TIAM2: variants seen among roughly 807,000 people sequenced by gnomAD.
TIAM2 encodes the protein TIAM Rac1 associated GEF 2.
TIAM2 carries 80 observed loss-of-function variants against 152.9 expected under a neutral mutation model. The observed-to-expected ratio is 0.52, with a 90% CI of 0.44 to 0.63. TIAM2 has a LOEUF of 0.63. Ranked by LOEUF, TIAM2 falls within the 30% of genes least tolerant of loss-of-function variation. The pLI is 0.00. For synonymous variants in TIAM2, 804 were observed against 838.0 expected (o/e 0.96, Z 0.70); for missense variants, 1,965 against 2,120.1 (o/e 0.93, Z 1.44).
chr6:155,183,579 C>G, intron 14 of TIAM2, 79 bp downstream of exon 14: 1 of 1,490,130 alleles, frequency 6.7e-7, no homozygotes, highest in South Asian at 1.4e-5. Context: ...TGCTTGCAAA[C>G]TCAGATTATT....
chr6:155,240,597 C>G lies in TIAM2; in HGVS notation c.3236C>G (p.Pro1079Arg), dbSNP rs570548899. 6.2e-7 allele frequency: 1 copy of G among 1,614,128 alleles called. No homozygotes were observed. Among genetic ancestry groups the G allele is most frequent in the South Asian group, 1.1e-5 (1 of 91,092 alleles). The change falls in exon 16 of 27, where the codon CCG becomes CGG. Residue 1079 changes from proline to arginine, a missense_variant. Physicochemically the swap from Pro to Arg is moderately radical, Grantham distance 103. This residue lies in a region of TIAM2 where 935 missense variants were observed against 980.0 expected (regional missense o/e 0.95). Transcript: ENST00000682666. ...NDSQANGMEG[P>R]RENQDPPPRS... ...AGTCAGGCCAACGGCATGGAAGGAC[C>G]GCGGGAGAATCAGGATCCTCCTCCG...
Position 155,248,050 on chromosome 6 carries a change from A to C in TIAM2, c.3703A>C (p.Lys1235Gln). 2 of 1,614,210 alleles carry C rather than the reference A, an allele frequency of 1.2e-6. No individual in the cohort carries two copies. The highest frequency in any genetic ancestry group is 4.5e-5 in the East Asian group (2 of 44,882). ...KAFLDARNPT[K>Q]QHSSTLESYL... The stretch of plus-strand genomic sequence containing the variant: ...TTTTCTGGACGCCCGGAACCCCACC[A>C]AGCAGCATTCCTCCACGCTGGAGTC... Residue 1235 changes from lysine to glutamine, a missense_variant, in exon 20 of 27, where the codon AAG becomes CAG. Lys to Gln is a moderately conservative substitution (Grantham distance 53). Around this residue, in one of 3 missense-constraint regions of TIAM2, gnomAD observed 935 missense variants for 980.0 expected, o/e 0.95. Coordinates refer to ENST00000682666, the MANE Select transcript of TIAM2 (RefSeq NM_012454.4).
intron 9 of TIAM2, among the ~76,000 whole-genome samples, chr6:155,170,840 A>G (rs1174303224): frequency 6.6e-6 from 1 of 152,186 alleles, no homozygotes; most frequent in Non-Finnish European, 1.5e-5. Flanking sequence ...TGATGTAGGG[A>G]TACTGAAGAA....
chr6:155,243,846 CAAAAAAAAAAAAAAAAAA>C lies in TIAM2; in HGVS notation c.3349-151_3349-134del, dbSNP rs59365890. On this transcript the variant is annotated intron_variant, in intron 16 of 26. Coordinates refer to ENST00000682666, the MANE Select transcript of TIAM2 (RefSeq NM_012454.4). ...TGGGTGACAGAGCAAGACTCCGTCT[CAAAAAAAAAAAAAAAAAA>C]AAAAAAAAAAAAAGAATTTCAACAA... 1.6e-4 allele frequency among the ~76,000 whole-genome samples: 9 copies of C among 55,050 alleles called. No individual in the cohort carries two copies. The East Asian group carries it at 3.9e-3, about 24-fold the overall frequency. The allele number at this position is 55,050 out of a possible 152,430, so 36.1% of individuals were successfully genotyped here.
chr6:155,107,144 C>T (rs1240927076), intron 2 of TIAM2, among the ~76,000 whole-genome samples: 1 of 152,058 alleles, frequency 6.6e-6, no homozygotes, highest in Non-Finnish European at 1.5e-5. Flanking sequence ...ATACTGGCTA[C>T]ATCCAAAGTT....
intron 1 of TIAM2, among the ~76,000 whole-genome samples, chr6:155,022,913 C>T (rs746605118): frequency 7.9e-5 from 12 of 152,328 alleles, no homozygotes; most frequent in Admixed American, 2.0e-4. Context: ...GGCTTGGCAG[C>T]CATGGACGTG....
At chr6:155,002,611 C>T (rs1433855272) in intron 1 of TIAM2, among the ~76,000 whole-genome samples, 12 of 152,028 alleles carry the variant, frequency 7.9e-5, no homozygotes, top group Admixed American at 7.9e-4. Flanking sequence ...TCAATTGTTG[C>T]ATTCATCATA....
At chr6:155,047,534 A>G (rs1394668055) in intron 1 of TIAM2, among the ~76,000 whole-genome samples, 2 of 152,068 alleles carry the variant, frequency 1.3e-5, no homozygotes, top group East Asian at 3.9e-4. Context: ...GAGAAATCCT[A>G]TCGCCACACC....
intron 1 of TIAM2, among the ~76,000 whole-genome samples, chr6:155,014,955 G>A (rs1252773912): frequency 6.6e-6 from 1 of 152,142 alleles, no homozygotes; most frequent in Non-Finnish European, 1.5e-5. Flanking sequence ...ACTGGAACAA[G>A]AGCTGGTAAG....
In TIAM2 at chr6:155,189,726, A is replaced by G. The variant is rs76997971; in HGVS notation, c.3064+6226A>G. Among the ~76,000 whole-genome samples the G allele has an allele frequency of 1.8e-4, 28 of 152,254 alleles. No individual in the cohort carries two copies. The East Asian group carries it at 4.4e-3, about 24-fold the overall frequency. On this transcript the variant is annotated intron_variant, in intron 14 of 26. Coordinates refer to ENST00000682666, the MANE Select transcript of TIAM2 (RefSeq NM_012454.4). ...AAACACTTGTAAATCCTGGCTCCAAAGAAAAAAAAAATTGCAATGAAGAGA... is the reference window on the plus strand; with the variant it reads ...AAACACTTGTAAATCCTGGCTCCAAGGAAAAAAAAAATTGCAATGAAGAGA...
At chr6:155,125,700 C>T (rs1260150183) in intron 2 of TIAM2, among the ~76,000 whole-genome samples, 2 of 151,906 alleles carry the variant, frequency 1.3e-5, no homozygotes, top group Admixed American at 6.6e-5. Context: ...TTATCTGGTG[C>T]AATGGTGCGC....
chr6:155,130,795 G>A lies in TIAM2; in HGVS notation c.1194+378G>A, dbSNP rs187853129. Among the ~76,000 whole-genome samples the A allele has an allele frequency of 1.4e-3, 211 of 152,286 alleles. 1 individual carries two copies. Among genetic ancestry groups the A allele is most frequent in the Middle Eastern group, 0.01 (3 of 294 alleles). ...GCTCTCTTCCTGGCTGCAGACAGCCGCCTTCTCACTGTGTCCTCATGCGGC... is the reference window on the plus strand; with the variant it reads ...GCTCTCTTCCTGGCTGCAGACAGCCACCTTCTCACTGTGTCCTCATGCGGC... On this transcript the variant is annotated intron_variant, in intron 4 of 26. Transcript: ENST00000682666.
chr6:155,144,636 G>A lies in TIAM2; in HGVS notation c.1661G>A (p.Gly554Glu), dbSNP rs368260913. The change falls in exon 6 of 27, where the codon GGG becomes GAG. Residue 554 changes from glycine (G) to glutamate (E), a missense_variant. Physicochemically the swap from Gly to Glu is moderately conservative, Grantham distance 98. Coordinates refer to ENST00000682666, the MANE Select transcript of TIAM2 (RefSeq NM_012454.4). ...GCTLLFYETY[G>E]KNSMDQSSAP... ...ACGCTGCTGTTTTATGAGACCTATG[G>A]GAAGAATTCCATGGATCAGAGCAGT... The A allele has an allele frequency of 6.4e-7, 1 of 1,560,438 alleles. No individual in the cohort carries two copies. Among genetic ancestry groups the A allele is most frequent in the Non-Finnish European group, 8.6e-7 (1 of 1,160,378 alleles).
At chr6:155,094,687 T>A (rs1039334412) in intron 2 of TIAM2, among the ~76,000 whole-genome samples, 2 of 151,534 alleles carry the variant, frequency 1.3e-5, no homozygotes, top group African/African-American at 4.8e-5. Flanking sequence ...GCAGCTGGGA[T>A]TATAGGCATG....
intron 15 of TIAM2, among the ~76,000 whole-genome samples, chr6:155,227,543 G>A (rs1046901539): frequency 1.3e-5 from 2 of 152,148 alleles, no homozygotes; most frequent in South Asian, 2.1e-4. Context: ...ACACTGCCTC[G>A]TAAGGAGAAT....
At chr6:155,097,424 C>G (rs1778439501) in intron 2 of TIAM2, among the ~76,000 whole-genome samples, 1 of 152,182 alleles carries the variant, frequency 6.6e-6, no homozygotes, top group African/African-American at 2.4e-5. Context: ...TCACTGCAGC[C>G]TCAAACTCCT....
intron 7 of TIAM2, among the ~76,000 whole-genome samples, chr6:155,152,582 C>T (rs1205027056): frequency 1.3e-5 from 2 of 152,170 alleles, no homozygotes; most frequent in Non-Finnish European, 2.9e-5. Flanking sequence ...TGCTGATTTT[C>T]CAGGATCCGG....
At chr6:154,996,094 T>C (rs1488329630) in intron 1 of TIAM2, among the ~76,000 whole-genome samples, 1 of 152,226 alleles carries the variant, frequency 6.6e-6, no homozygotes, top group Non-Finnish European at 1.5e-5. Flanking sequence ...GCCAAGTTTC[T>C]GTGAAAGCCG....
chr6:155,178,119 CCACTGCACCCCA>C (rs1470940653), intron 10 of TIAM2, among the ~76,000 whole-genome samples: 1 of 149,538 alleles, frequency 6.7e-6, no homozygotes, highest in Admixed American at 6.7e-5. Flanking sequence ...CGAGATGGCT[CCACTGCACCCCA>C]GCCTGGGCGA....
Sources: gnomAD v4.1 joint callset for allele counts (sites outside exome capture counted in the v4.1 genomes callset) on GRCh38, gnomAD v4.1.1 for gene constraint, gnomAD v4.1.1 regional missense constraint, MANE v1.5 for transcripts, NCBI Gene and HGNC (gene_info 2026-07-23, HGNC 2026-07-21) for gene names.